RIPOR1: variants seen among roughly 807,000 people sequenced by gnomAD.
RIPOR1 encodes the protein rho family-interacting cell polarization regulator 1.
A neutral mutation model predicts 116.5 loss-of-function variants in RIPOR1; 58 were observed. The observed-to-expected ratio is 0.50, with a 90% CI of 0.40 to 0.62. RIPOR1 has a LOEUF of 0.62. Among genes scored for constraint, RIPOR1 ranks in the 20% least tolerant of loss-of-function variants. The pLI is 0.00. For synonymous variants in RIPOR1, 605 were observed against 650.0 expected (o/e 0.93, Z 1.05); for missense variants, 1,372 against 1,586.2 (o/e 0.86, Z 2.29).
At chr16:67,533,399 G>T (rs138582764) in intron 1 of RIPOR1, among the ~76,000 whole-genome samples, 1 of 152,282 alleles carries the variant, frequency 6.6e-6, no homozygotes, top group East Asian at 1.9e-4. Flanking sequence ...CAGCCCAAGG[G>T]CGGGGAGGAT....
chr16:67,526,000 C>T (rs867230778), upstream of RIPOR1, among the ~76,000 whole-genome samples: 1 of 152,134 alleles, frequency 6.6e-6, no homozygotes, highest in African/African-American at 2.4e-5. Context: ...CCACCAGGAC[C>T]CTGTGACCCT....
chr16:67,545,904 G>A lies in RIPOR1; in HGVS notation c.3387+44G>A, dbSNP rs1270589368. 6.2e-7 allele frequency: 1 copy of A among 1,612,976 alleles called. No homozygotes were observed. The highest frequency in any genetic ancestry group is 1.3e-5 in the African/African-American group (1 of 74,886). ...CCTTGAGGGCGAGGGCTGGGGTCCT[G>A]GACTCCCACTGTCTGGCTAAGTCTG... On this transcript the variant is annotated intron_variant, in intron 19 of 21. Transcript: ENST00000042381. This position sits in a 1 kb window ranked among gnomAD's most constrained non-coding sequence, Gnocchi z 4.8.
rs11860390 is a variant in RIPOR1 at position 67,545,889 on chromosome 16, G to A, written c.3387+29G>A. ...AGTTGGACAGGGCTCCCTTGAGGGC[G>A]AGGGCTGGGGTCCTGGACTCCCACT... On this transcript the variant is annotated intron_variant, in intron 19 of 21. Coordinates refer to ENST00000042381, the MANE Select transcript of RIPOR1 (RefSeq NM_024519.4). The surrounding 1 kb of genome is among the most constrained non-coding windows in gnomAD (Gnocchi z 4.8). The A allele has an allele frequency of 1.9e-5, 30 of 1,611,292 alleles. No individual in the cohort carries two copies. The highest frequency in any genetic ancestry group is 2.5e-5 in the Non-Finnish European group (29 of 1,178,418).
chr16:67,546,422 CG>C lies in RIPOR1; in HGVS notation c.3620del (p.Arg1207ProfsTer56). The C allele has an allele frequency of 6.2e-7, 1 of 1,614,050 alleles. No individual in the cohort carries two copies. Among genetic ancestry groups the C allele is most frequent in the South Asian group, 1.1e-5 (1 of 91,078 alleles). ...GGAGGAGTCCCTGGACGCCCTGCCCCGCATCTTTGGGCCTGGCAGCATGGCC... is the reference window on the plus strand; with the variant it reads ...GGAGGAGTCCCTGGACGCCCTGCCCCCATCTTTGGGCCTGGCAGCATGGCC... ...RLEESLDALPRIFGPGSMAST... is the reference protein window; with the variant it reads ...RLEESLDALPXIFGPGSMAST... On this transcript the variant is annotated frameshift_variant, in exon 22 of 22. Coordinates refer to ENST00000042381, the MANE Select transcript of RIPOR1 (RefSeq NM_024519.4). LOFTEE classifies it high-confidence loss of function.
intron 1 of RIPOR1, among the ~76,000 whole-genome samples, chr16:67,520,843 T>C (rs2050489594): frequency 6.6e-6 from 1 of 151,344 alleles, no homozygotes; most frequent in East Asian, 1.9e-4. Context: ...GTTGAGCTCC[T>C]GGAGGAGCTC....
At chr16:67,539,167 T>A in intron 4 of RIPOR1, 99 bp downstream of exon 4, 2 of 992,644 alleles carry the variant, frequency 2.0e-6, no homozygotes, top group Non-Finnish European at 3.0e-6. Context: ...TGAAGTGATC[T>A]GGTTCAGGTG....
In RIPOR1 at chr16:67,540,783, T is replaced by G. The variant is rs2050957835; in HGVS notation, c.801+79T>G. 2 of 1,375,026 alleles carry G rather than the reference T, an allele frequency of 1.5e-6. No homozygotes were observed. The allele number at this position is 1,375,026 out of a possible 1,614,324, so 85.2% of individuals were successfully genotyped here. ...ACCCCCATTACCCTGAGTCCCTTAC[T>G]CCTGTGATCCCCTCATAGCTCCATA... On this transcript the variant is annotated intron_variant, in intron 10 of 21. Coordinates refer to ENST00000042381, the MANE Select transcript of RIPOR1 (RefSeq NM_024519.4). This position sits in a 1 kb window ranked among gnomAD's most constrained non-coding sequence, Gnocchi z 4.7.
chr16:67,519,502 G>A (rs2050475798), intron 1 of RIPOR1, among the ~76,000 whole-genome samples: 1 of 152,154 alleles, frequency 6.6e-6, no homozygotes, highest in South Asian at 2.1e-4. Context: ...AGGACACCGA[G>A]TGATGTGTAT....
rs2051136600 is a variant in RIPOR1, at chr16:67,545,578, A to G, written c.3190+44A>G. 1 of 1,604,936 alleles carries G rather than the reference A, an allele frequency of 6.2e-7. No individual in the cohort carries two copies. The highest frequency in any genetic ancestry group is 8.5e-7 in the Non-Finnish European group (1 of 1,174,012). ...TCACATAGTGGCCTCTTGGGGTCTG[A>G]GGACATGAGGACAAGCCCTCCCCAA... On this transcript the variant is annotated intron_variant, in intron 18 of 21. Coordinates refer to ENST00000042381, the MANE Select transcript of RIPOR1 (RefSeq NM_024519.4). The surrounding 1 kb of genome is among the most constrained non-coding windows in gnomAD (Gnocchi z 4.8).
At position 67,545,319 on chromosome 16, in the gene RIPOR1, C is replaced by A; in HGVS notation, c.3032-57C>A. The A allele has an allele frequency of 6.3e-7, 1 of 1,584,252 alleles. No homozygotes were observed. The highest frequency in any genetic ancestry group is 8.6e-7 in the Non-Finnish European group (1 of 1,163,030). ...CTGAGCCTGGGATAGGAGCATCTCT[C>A]CCCTCTAAAAGCTGTGTTCACCCAA... On this transcript the variant is annotated intron_variant, in intron 17 of 21. Transcript: ENST00000042381. This position sits in a 1 kb window ranked among gnomAD's most constrained non-coding sequence, Gnocchi z 4.8.
chr16:67,546,419 C>T lies in RIPOR1; in HGVS notation c.3616C>T (p.Pro1206Ser), dbSNP rs2051170918. The T allele has an allele frequency of 6.2e-7, 1 of 1,613,972 alleles. No individual in the cohort carries two copies. Among genetic ancestry groups the T allele is most frequent in the African/African-American group, 1.3e-5 (1 of 74,920 alleles). The change falls in exon 22 of 22, where the codon CCC (proline) becomes TCC (serine). Residue 1206 changes from proline (P) to serine (S), a missense_variant. Pro to Ser is a moderately conservative substitution (Grantham distance 74). Transcript: ENST00000042381. ...RRLEESLDALPRIFGPGSMAS... is the reference protein window; with the variant it reads ...RRLEESLDALSRIFGPGSMAS... ...GCTGGAGGAGTCCCTGGACGCCCTG[C>T]CCCGCATCTTTGGGCCTGGCAGCAT... is the stretch of plus-strand genomic sequence containing the variant.
Position 67,534,835 on chromosome 16 carries a change from CTTTTTTT to C in RIPOR1, c.-23-3570_-23-3564del, listed in dbSNP as rs553858194. Among the ~76,000 whole-genome samples, 533 of 79,004 alleles carry C rather than the reference CTTTTTTT, an allele frequency of 6.7e-3. 5 individuals carry two copies. The Middle Eastern group carries it at 0.086, about 13-fold the overall frequency. 51.8% of individuals were successfully genotyped at this position (79,004 alleles called of 152,430 possible). ...ACAGTTTCTAGGGTTTTCTTTTTTTCTTTTTTTTTTTTTTTTTTTTTTTTTGAGACAG... is the reference window on the plus strand; with the variant it reads ...ACAGTTTCTAGGGTTTTCTTTTTTTCTTTTTTTTTTTTTTTTTTGAGACAG... On this transcript the variant is annotated intron_variant, in intron 1 of 21. Transcript: ENST00000042381.
At chr16:67,536,357 A>C (rs976960908) in intron 1 of RIPOR1, among the ~76,000 whole-genome samples, 1 of 152,038 alleles carries the variant, frequency 6.6e-6, no homozygotes, top group African/African-American at 2.4e-5. Flanking sequence ...CTGAGGCAGG[A>C]GAATCGCTTG....
In RIPOR1 at chr16:67,542,654, C is replaced by A. The variant is rs1266654783; in HGVS notation, c.1868C>A (p.Thr623Asn). ...CCCACTCATACTTCCACAAGCCCCA[C>A]CCATACCCCCACAAGTCCCACCCAC... ...ASPTHTSTSP[T>N]HTPTSPTHKT... Residue 623 changes from threonine to asparagine, a missense_variant, in exon 13 of 22, where the codon ACC becomes AAC. By Grantham distance (65) the Thr-to-Asn change is moderately conservative. Around this residue, in one of 3 missense-constraint regions of RIPOR1, gnomAD observed 1,005 missense variants for 1,144.7 expected, o/e 0.88. Coordinates refer to ENST00000042381, the MANE Select transcript of RIPOR1 (RefSeq NM_024519.4). The surrounding 1 kb of genome is among the most constrained non-coding windows in gnomAD (Gnocchi z 4.6). 2 of 1,613,484 alleles carry A rather than the reference C, an allele frequency of 1.2e-6. No individual in the cohort carries two copies. The highest frequency in any genetic ancestry group is 2.2e-5 in the East Asian group (1 of 44,796).
chr16:67,519,627 C>T (rs1475735106), intron 1 of RIPOR1, among the ~76,000 whole-genome samples: 1 of 151,962 alleles, frequency 6.6e-6, no homozygotes, highest in East Asian at 1.9e-4. Flanking sequence ...ACATGGGGAC[C>T]CAGGAGGGAG....
At position 67,530,811 on chromosome 16, in the gene RIPOR1, C is replaced by G. The variant is rs979319461; in HGVS notation, c.-24+1897C>G. On this transcript the variant is annotated intron_variant, in intron 1 of 21. Transcript: ENST00000042381. The surrounding 1 kb of genome is among the most constrained non-coding windows in gnomAD (Gnocchi z 4.5). ...TCTGGGTTATTTCCCATCCTGGGAA[C>G]AGACTATAGGGCTGACATGAGCCCA... 2.0e-5 allele frequency among the ~76,000 whole-genome samples: 3 copies of G among 152,176 alleles called. No individual in the cohort carries two copies. The highest frequency in any genetic ancestry group is 2.9e-5 in the Non-Finnish European group (2 of 68,014).
chr16:67,545,098 G>A lies in RIPOR1; in HGVS notation c.3012G>A (p.Gln1004=). The A allele has an allele frequency of 6.2e-7, 1 of 1,612,774 alleles. No individual in the cohort carries two copies. Among genetic ancestry groups the A allele is most frequent in the Non-Finnish European group, 8.5e-7 (1 of 1,180,006 alleles). ...ATGGTGCCCGCCTCTCCCTGCGCCA[G>A]CCAGGCTTGGCTGAGGCTGGTGAGT... ...NQYGARLSLR[Q]PGLAEAVCVK... The change falls in exon 17 of 22, where the codon CAG becomes CAA. Residue 1004 remains glutamine (Q), a synonymous_variant. Transcript: ENST00000042381. The surrounding 1 kb of genome is among the most constrained non-coding windows in gnomAD (Gnocchi z 4.8).
At chr16:67,520,423 GAGAGAAGAGAAGATAAGAGA>G (rs906412184) in intron 1 of RIPOR1, among the ~76,000 whole-genome samples, 7 of 142,526 alleles carry the variant, frequency 4.9e-5, no homozygotes, top group African/African-American at 2.0e-4. Flanking sequence ...GGATGGAAAA[GAGAGAAGAGAAGATAAGAGA>G]AGAGAAGAGA....
chr16:67,519,565 G>A (rs1310993469), intron 1 of RIPOR1, among the ~76,000 whole-genome samples: 1 of 152,156 alleles, frequency 6.6e-6, no homozygotes, highest in African/African-American at 2.4e-5. Flanking sequence ...TAGGGAAGAG[G>A]GGACTCACTT....
Sources: allele counts gnomAD v4.1 joint callset (sites outside exome capture counted in the v4.1 genomes callset), GRCh38; gene constraint gnomAD v4.1.1; regional missense constraint gnomAD v4.1.1; non-coding constraint Gnocchi (gnomAD v3.1); transcripts MANE v1.5; gene names NCBI Gene and HGNC (gene_info 2026-07-23, HGNC 2026-07-21).